Variants in MPHOSPH9 observed in about 807,000 individuals in gnomAD.
The protein encoded by MPHOSPH9 is M-phase phosphoprotein 9.
MPHOSPH9 carries 88 observed loss-of-function variants against 145.5 expected under a neutral mutation model. The ratio of observed to expected loss-of-function variants is 0.60; its 90% CI spans 0.51 to 0.72. The LOEUF (loss-of-function observed/expected upper bound fraction) is 0.72, where lower values mean the gene tolerates loss of function less well. Among genes scored for constraint, MPHOSPH9 ranks in the 30% least tolerant of loss-of-function variants. The pLI is 0.00. For synonymous variants in MPHOSPH9, 435 were observed against 486.2 expected (o/e 0.89, Z 1.39); for missense variants, 1,238 against 1,386.6 (o/e 0.89, Z 1.70).
intron 16 of MPHOSPH9, among the ~76,000 whole-genome samples, chr12:123,170,455 T>C (rs1329600136): frequency 1.3e-5 from 2 of 152,158 alleles, no homozygotes; most frequent in Non-Finnish European, 2.9e-5. Context: ...TAACTTTTTA[T>C]ATTTTTTGTA....
chr12:123,178,790 C>T (rs970603494), intron 15 of MPHOSPH9, among the ~76,000 whole-genome samples: 1 of 152,164 alleles, frequency 6.6e-6, no homozygotes, highest in African/African-American at 2.4e-5. Context: ...TCCCAAAGTG[C>T]TGAGATTATA....
At chr12:123,186,431 T>C (rs1031517098) in intron 13 of MPHOSPH9, among the ~76,000 whole-genome samples, 1 of 152,072 alleles carries the variant, frequency 6.6e-6, no homozygotes, top group Non-Finnish European at 1.5e-5. Context: ...AGGTAAAGAA[T>C]ATACAAGGGT....
intron 5 of MPHOSPH9, among the ~76,000 whole-genome samples, chr12:123,220,526 C>G (rs1487914195): frequency 2.0e-5 from 3 of 152,020 alleles, no homozygotes; most frequent in African/African-American, 7.2e-5. Flanking sequence ...GATTGCGCCA[C>G]TGCACTCCAG....
intron 7 of MPHOSPH9, among the ~76,000 whole-genome samples, chr12:123,212,494 G>A (rs2682433): frequency 0.16 from 24,960 of 151,952 alleles, 2,351 homozygotes; most frequent in Middle Eastern, 0.28. Flanking sequence ...GATCACCTGA[G>A]GTCAGGAGTT....
At chr12:123,210,983 T>C (rs1250928673) in intron 7 of MPHOSPH9, among the ~76,000 whole-genome samples, 28 of 128,800 alleles carry the variant, frequency 2.2e-4, no homozygotes, top group African/African-American at 4.5e-4. Flanking sequence ...TTTTCTTTTT[T>C]TTTTTTTTTT....
chr12:123,237,019 A>C (rs1593271096), upstream of MPHOSPH9, among the ~76,000 whole-genome samples: 1 of 152,106 alleles, frequency 6.6e-6, no homozygotes, highest in Non-Finnish European at 1.5e-5. Context: ...TGGAAGGCGG[A>C]GGTTGCAGTG....
chr12:123,234,416 G>A (rs1013994916), upstream of MPHOSPH9, among the ~76,000 whole-genome samples: 1 of 151,732 alleles, frequency 6.6e-6, no homozygotes, highest in South Asian at 2.1e-4. Flanking sequence ...GGGTAGGGGG[G>A]ACAAGGTCTC....
intron 7 of MPHOSPH9, among the ~76,000 whole-genome samples, chr12:123,214,466 G>A (rs2046875528): frequency 6.6e-6 from 1 of 152,184 alleles, no homozygotes; most frequent in African/African-American, 2.4e-5. Context: ...GAGCCCAGGA[G>A]GCTGAGGCTG....
chr12:123,213,034 T>C (rs1333013623), intron 7 of MPHOSPH9, among the ~76,000 whole-genome samples: 1 of 151,616 alleles, frequency 6.6e-6, no homozygotes, highest in East Asian at 2.0e-4. Context: ...TAATTTTTTG[T>C]ATTTTTAGTA....
At chr12:123,235,862 G>C (rs1256338121), upstream of MPHOSPH9, among the ~76,000 whole-genome samples, 1 of 151,504 alleles carries the variant, frequency 6.6e-6, no homozygotes, top group Non-Finnish European at 1.5e-5. Flanking sequence ...TCAGGAGTTC[G>C]AGACCAGCCT....
At chr12:123,166,330 C>T (rs2137926505) in intron 17 of MPHOSPH9, 1 of 291,110 alleles carries the variant, frequency 3.4e-6, no homozygotes, top group East Asian at 1.1e-4. Flanking sequence ...TGGTCTCGAA[C>T]TCCTAGGCTC....
intron 6 of MPHOSPH9, among the ~76,000 whole-genome samples, chr12:123,216,250 C>T (rs2046955746): frequency 6.6e-6 from 1 of 152,126 alleles, no homozygotes; most frequent in African/African-American, 2.4e-5. Flanking sequence ...CCTTCACTTC[C>T]CTCCTCTTCA....
rs1346983637 is a variant in MPHOSPH9 at position 123,154,228 on chromosome 12, T to TC, written c.*2578_*2579insG. ...ATTTGCTTAGGGTTTTTTTTTTTTT[T>TC]TTCTTTTTAAACTATTAATACCTGC... On this transcript the variant is annotated 3_prime_UTR_variant, in exon 24 of 24. Transcript: ENST00000606320. 1 of 151,646 alleles carries TC rather than the reference T, an allele frequency of 6.6e-6. No homozygotes were observed. The highest frequency in any genetic ancestry group is 1.5e-5 in the Non-Finnish European group (1 of 67,896). The allele number at this position is 151,646 out of a possible 1,614,324, so 9.4% of individuals were successfully genotyped here. A position where few individuals can be genotyped will look rare whatever the true frequency, so the allele number is the denominator to read the frequency against.
intron 16 of MPHOSPH9, among the ~76,000 whole-genome samples, chr12:123,174,766 G>A (rs894667572): frequency 6.6e-6 from 1 of 152,170 alleles, no homozygotes; most frequent in Non-Finnish European, 1.5e-5. Flanking sequence ...GAATCGATAT[G>A]AATCTCAAAC....
chr12:123,198,058 T>A (rs2046051970), intron 12 of MPHOSPH9, among the ~76,000 whole-genome samples, 189 bp downstream of exon 12: 1 of 148,348 alleles, frequency 6.7e-6, no homozygotes, highest in Admixed American at 6.8e-5. Flanking sequence ...CACTCCAGCC[T>A]GGGCAACAGA....
chr12:123,198,384 A>G, intron 11 of MPHOSPH9, 50 bp from the exon 12 acceptor site: 1 of 1,393,644 alleles, frequency 7.2e-7, no homozygotes, highest in Non-Finnish European at 1.0e-6. Flanking sequence ...TATTACCCTT[A>G]AAAGTATTAC....
chr12:123,162,880 A>G, intron 20 of MPHOSPH9, 134 bp downstream of exon 20: 1 of 836,458 alleles, frequency 1.2e-6, no homozygotes, highest in Non-Finnish European at 1.7e-6. Flanking sequence ...TATGACATTC[A>G]CTTATGATTT....
chr12:123,189,353 C>T (rs192441469), intron 13 of MPHOSPH9, among the ~76,000 whole-genome samples: 4 of 152,076 alleles, frequency 2.6e-5, no homozygotes, highest in African/African-American at 7.2e-5. Flanking sequence ...ACAGAGTCCA[C>T]GAACAGAATA....
At chr12:123,236,105 G>A (rs1031659408), upstream of MPHOSPH9, among the ~76,000 whole-genome samples, 1 of 151,962 alleles carries the variant, frequency 6.6e-6, no homozygotes, top group Non-Finnish European at 1.5e-5. Flanking sequence ...AAAAGTTAAG[G>A]AAAAGGAGCT....
Sources: gnomAD v4.1 joint callset for allele counts (sites outside exome capture counted in the v4.1 genomes callset) on GRCh38, gnomAD v4.1.1 for gene constraint, MANE v1.5 for transcripts, NCBI Gene and HGNC (gene_info 2026-07-23, HGNC 2026-07-21) for gene names.